The following GALNT18 variants were observed in gnomAD, a reference collection of about 807,000 sequenced individuals.
The protein encoded by GALNT18 is polypeptide N-acetylgalactosaminyltransferase 18.
A neutral mutation model predicts 69.5 loss-of-function variants in GALNT18; 44 were observed. That is an observed-to-expected ratio of 0.63 (90% confidence interval 0.50 to 0.81). The LOEUF is 0.81. GALNT18 is among the 40% of genes least tolerant of loss of function. GALNT18 has a pLI of 0.00. For missense variants in GALNT18, 715 were observed against 810.0 expected, an observed-to-expected ratio of 0.88 and a Z score of 1.42; for synonymous variants, 364 against 318.2, an observed-to-expected ratio of 1.14 and a Z score of -1.53.
At position 11,340,291 on chromosome 11, in the gene GALNT18, T is replaced by TAAAAACTGCCCAGAATAACTC. The variant is rs1554918735; in HGVS notation, c.1278+527_1278+528insGAGTTATTCTGGGCAGTTTTT. Among the ~76,000 whole-genome samples, 378 of 151,906 alleles carry TAAAAACTGCCCAGAATAACTC rather than the reference T, an allele frequency of 2.5e-3. No individual in the cohort carries two copies. Among genetic ancestry groups the TAAAAACTGCCCAGAATAACTC allele is most frequent in the African/African-American group, 8.6e-3 (357 of 41,404 alleles). ...ATGATGAGGCTCTGTGAAGGTTAAC[T>TAAAAACTGCCCAGAATAACTC]CCATCTCCTAGTGAAGGTCCCTGTA... On this transcript the variant is annotated intron_variant, in intron 7 of 10. Coordinates refer to ENST00000227756, the MANE Select transcript of GALNT18 (RefSeq NM_198516.3). This position sits in a 1 kb window ranked among gnomAD's most constrained non-coding sequence, Gnocchi z 4.2.
intron 1 of GALNT18, among the ~76,000 whole-genome samples, chr11:11,550,747 C>T (rs918061960): frequency 6.6e-6 from 1 of 152,292 alleles, no homozygotes; most frequent in Admixed American, 6.5e-5. Flanking sequence ...AGCCACCCAG[C>T]CATATGTGGC....
Position 11,469,550 on chromosome 11 carries a change from A to C in GALNT18, c.236-20614T>G, listed in dbSNP as rs1025136153. 4.6e-5 allele frequency among the ~76,000 whole-genome samples: 7 copies of C among 152,184 alleles called. No individual in the cohort carries two copies. The highest frequency in any genetic ancestry group is 1.4e-4 in the African/African-American group (6 of 41,442). On this transcript the variant is annotated intron_variant, in intron 1 of 10. Transcript: ENST00000227756. This position sits in a 1 kb window ranked among gnomAD's most constrained non-coding sequence, Gnocchi z 4.2. ...ACCTCACTGGATCTGCATCTTGGTG[A>C]TCAACCTCTGACTTGTTTTCAGTTT...
At position 11,595,629 on chromosome 11, in the gene GALNT18, T is replaced by A. The variant is rs1049266539; in HGVS notation, c.235+25730A>T. Among the ~76,000 whole-genome samples, 1 of 152,252 alleles carries A rather than the reference T, an allele frequency of 6.6e-6. No individual in the cohort carries two copies. Among genetic ancestry groups the A allele is most frequent in the South Asian group, 2.1e-4 (1 of 4,834 alleles). ...GTGGTTTTGATTTACATTTCCCAAATGGCTAATTATGTCCAGCATCCTTTC... is the reference window on the plus strand; with the variant it reads ...GTGGTTTTGATTTACATTTCCCAAAAGGCTAATTATGTCCAGCATCCTTTC... On this transcript the variant is annotated intron_variant, in intron 1 of 10. Transcript: ENST00000227756. This position sits in a 1 kb window ranked among gnomAD's most constrained non-coding sequence, Gnocchi z 5.2.
At chr11:11,367,896 T>A (rs10831605) in intron 6 of GALNT18, among the ~76,000 whole-genome samples, 26,545 of 152,170 alleles carry the variant, frequency 0.17, 2,923 homozygotes, top group East Asian at 0.4. Flanking sequence ...GGCCTTTTTT[T>A]ATGACTTGGG....
chr11:11,570,109 G>GA (rs1858753402), intron 1 of GALNT18: 1 of 152,344 alleles, frequency 6.6e-6, no homozygotes, highest in South Asian at 2.1e-4. Flanking sequence ...GGACTGGCTG[G>GA]AAAAGAGAAC....
At chr11:11,576,576 G>A (rs1224898489) in intron 1 of GALNT18, among the ~76,000 whole-genome samples, 4 of 152,208 alleles carry the variant, frequency 2.6e-5, no homozygotes, top group African/African-American at 9.7e-5. Context: ...GACCATAGGA[G>A]GAAAGATGAT....
intron 1 of GALNT18, among the ~76,000 whole-genome samples, chr11:11,495,667 G>A (rs1471221045): frequency 2.0e-5 from 3 of 152,180 alleles, no homozygotes; most frequent in African/African-American, 2.4e-5. Context: ...GAAGACCAGT[G>A]CCCAAAAGCA....
chr11:11,584,139 C>A lies in GALNT18; in HGVS notation c.235+37220G>T, dbSNP rs745470441. Among the ~76,000 whole-genome samples the A allele has an allele frequency of 4.6e-5, 7 of 151,936 alleles. No homozygotes were observed. Among genetic ancestry groups the A allele is most frequent in the Non-Finnish European group, 7.4e-5 (5 of 68,000 alleles). On this transcript the variant is annotated intron_variant, in intron 1 of 10. Transcript: ENST00000227756. This position sits in a 1 kb window ranked among gnomAD's most constrained non-coding sequence, Gnocchi z 4.1. ...AAAAAGGGGAAGTAGAAGAAGCGGC[C>A]CCTGAGATTCCAGGGAACTTGGTTC... is the stretch of plus-strand genomic sequence containing the variant.
chr11:11,486,075 G>T (rs541916656), intron 1 of GALNT18, among the ~76,000 whole-genome samples: 1 of 152,196 alleles, frequency 6.6e-6, no homozygotes, highest in Non-Finnish European at 1.5e-5. Flanking sequence ...CCCTGGGAGT[G>T]CGTGGGAATC....
At chr11:11,426,315 TG>T (rs1390874435) in intron 3 of GALNT18, among the ~76,000 whole-genome samples, 2 of 152,198 alleles carry the variant, frequency 1.3e-5, no homozygotes, top group African/African-American at 4.8e-5. Context: ...CTCCACCCAG[TG>T]GTGCCTGCAG....
rs767528710 is a variant in GALNT18 at position 11,613,614 on chromosome 11, A to T, written c.235+7745T>A. On this transcript the variant is annotated intron_variant, in intron 1 of 10. Transcript: ENST00000227756. This position sits in a 1 kb window ranked among gnomAD's most constrained non-coding sequence, Gnocchi z 4.2. Reference sequence around the variant, plus strand: ...AAGGACCCCTGGGCTCAAGCATTGCATTACAGATGGAGCTGACTCTAACCC... The same window carrying T: ...AAGGACCCCTGGGCTCAAGCATTGCTTTACAGATGGAGCTGACTCTAACCC... Among the ~76,000 whole-genome samples the T allele has an allele frequency of 6.6e-6, 1 of 152,226 alleles. No individual in the cohort carries two copies. Among genetic ancestry groups the T allele is most frequent in the African/African-American group, 2.4e-5 (1 of 41,460 alleles).
At chr11:11,570,898 C>T (rs1343606481) in intron 1 of GALNT18, among the ~76,000 whole-genome samples, 2 of 152,222 alleles carry the variant, frequency 1.3e-5, no homozygotes, top group African/African-American at 2.4e-5. Flanking sequence ...CACATCTTCC[C>T]TCTTACCAAC....
intron 1 of GALNT18, among the ~76,000 whole-genome samples, chr11:11,524,207 G>A (rs1263024128): frequency 1.3e-5 from 2 of 152,134 alleles, no homozygotes; most frequent in Non-Finnish European, 2.9e-5. Flanking sequence ...CATAAGAAGT[G>A]GGCTCAGATG....
chr11:11,539,683 T>C (rs1857867528), intron 1 of GALNT18, among the ~76,000 whole-genome samples: 2 of 152,164 alleles, frequency 1.3e-5, no homozygotes, highest in African/African-American at 4.8e-5. Flanking sequence ...GCTTCTCACC[T>C]GCAAGCTAAT....
At chr11:11,348,757 G>A (rs1002113911) in intron 6 of GALNT18, among the ~76,000 whole-genome samples, 14 of 152,092 alleles carry the variant, frequency 9.2e-5, no homozygotes, top group African/African-American at 3.4e-4. Flanking sequence ...CCCCTACCAC[G>A]TATACACTTA....
intron 1 of GALNT18, among the ~76,000 whole-genome samples, chr11:11,460,663 T>C (rs1391672400): frequency 6.7e-6 from 1 of 149,192 alleles, no homozygotes; most frequent in Non-Finnish European, 1.5e-5. Flanking sequence ...GCAGTCGCCC[T>C]CCTGCCTCCC....
chr11:11,484,855 A>G (rs7113622), intron 1 of GALNT18, among the ~76,000 whole-genome samples: 20,003 of 152,176 alleles, frequency 0.13, 1,583 homozygotes, highest in Non-Finnish European at 0.17. Context: ...CCCACAAATC[A>G]GTGCACTGAG....
At chr11:11,297,639 C>A (rs1352246246) in intron 9 of GALNT18, among the ~76,000 whole-genome samples, 2 of 152,046 alleles carry the variant, frequency 1.3e-5, no homozygotes, top group Non-Finnish European at 2.9e-5. Flanking sequence ...CTGGAGGAGC[C>A]TAGAATAAAA....
At chr11:11,491,100 C>G (rs184880095) in intron 1 of GALNT18, among the ~76,000 whole-genome samples, 3 of 152,148 alleles carry the variant, frequency 2.0e-5, no homozygotes, top group African/African-American at 7.2e-5. Context: ...CAAATCACTT[C>G]TCTCCCTGGT....
Sources: allele counts gnomAD v4.1 joint callset (sites outside exome capture counted in the v4.1 genomes callset), GRCh38; gene constraint gnomAD v4.1.1; non-coding constraint Gnocchi (gnomAD v3.1); transcripts MANE v1.5; gene names NCBI Gene and HGNC (gene_info 2026-07-23, HGNC 2026-07-21).